Variants in NAV3 observed in about 807,000 individuals in gnomAD.
The protein encoded by NAV3 is pore membrane and/or filament interacting like protein 1.
In NAV3, 87 loss-of-function variants were observed where a neutral mutation model predicts 244.7. That is an observed-to-expected ratio of 0.36 (90% CI 0.30 to 0.42). The LOEUF (loss-of-function observed/expected upper bound fraction) is 0.42. Among genes scored for constraint, NAV3 ranks in the 20% least tolerant of loss-of-function variants. NAV3 has a pLI of 1.00. For missense variants in NAV3, 2,663 were observed against 2,893.3 expected (o/e 0.92, Z 1.83); for synonymous variants, 1,126 against 1,042.2 (o/e 1.08, Z -1.55).
intron 1 of NAV3, among the ~76,000 whole-genome samples, chr12:77,915,192 C>A (rs1887002355): frequency 6.6e-6 from 1 of 152,000 alleles, no homozygotes. Context: ...CTCCAAGATT[C>A]AAATGGCTTA....
intron 1 of NAV3, among the ~76,000 whole-genome samples, chr12:77,901,930 T>C (rs896789861): frequency 2.0e-5 from 3 of 152,148 alleles, no homozygotes; most frequent in Non-Finnish European, 4.4e-5. Context: ...GGGTGACCTT[T>C]GGATGTAACA....
chr12:78,133,849 A>C (rs1015598410), intron 18 of NAV3, among the ~76,000 whole-genome samples: 1 of 152,202 alleles, frequency 6.6e-6, no homozygotes, highest in African/African-American at 2.4e-5. Flanking sequence ...TATGAATGAA[A>C]AAATGGAAGA....
intron 2 of NAV3, among the ~76,000 whole-genome samples, chr12:77,689,926 C>T: frequency 6.6e-6 from 1 of 151,628 alleles, no homozygotes; most frequent in East Asian, 1.9e-4. Context: ...TGTTACAGTA[C>T]CCATCTGTAA....
intron 2 of NAV3, among the ~76,000 whole-genome samples, chr12:77,709,482 G>A (rs538603888): frequency 6.6e-6 from 1 of 152,184 alleles, no homozygotes; most frequent in Non-Finnish European, 1.5e-5. Context: ...TAGAGTAAAA[G>A]GAAAACATTC....
At chr12:77,997,237 CAAAAAAA>C (rs139557569) in intron 6 of NAV3, among the ~76,000 whole-genome samples, 2 of 78,732 alleles carry the variant, frequency 2.5e-5, no homozygotes, top group African/African-American at 4.8e-5. Context: ...CACCCTGTCT[CAAAAAAA>C]AAAAAAAAAA....
chr12:78,038,810 A>G (rs747511918), intron 9 of NAV3, among the ~76,000 whole-genome samples: 4 of 152,166 alleles, frequency 2.6e-5, no homozygotes, highest in African/African-American at 4.8e-5. Context: ...GGTATTATTT[A>G]TCTTGTTCTC....
chr12:77,778,988 CATT>C (rs2135907829), intron 2 of NAV3, among the ~76,000 whole-genome samples: 1 of 152,260 alleles, frequency 6.6e-6, no homozygotes, highest in African/African-American at 2.4e-5. Context: ...AAGGAAAACA[CATT>C]AATGGAATTT....
chr12:77,749,918 A>G (rs1454052088), intron 2 of NAV3, among the ~76,000 whole-genome samples: 1 of 152,230 alleles, frequency 6.6e-6, no homozygotes, highest in African/African-American at 2.4e-5. Context: ...TAAAGCTTTA[A>G]GGAGTAGACT....
intron 2 of NAV3, among the ~76,000 whole-genome samples, chr12:77,685,236 C>T (rs913777675): frequency 6.6e-6 from 1 of 152,086 alleles, no homozygotes; most frequent in Non-Finnish European, 1.5e-5. Flanking sequence ...AATCTTTTAA[C>T]CAGGCTTCCT....
At position 77,812,409 on chromosome 12, in the gene NAV3, T is replaced by G. The variant is rs987310719; in HGVS notation, c.73-127910T>G. ...CTGAGGAATTTCATTTCTTTCTTTT[T>G]TTTTTTAACTTTTATTTTTTTGAGA... On this transcript the variant is annotated intron_variant, in intron 2 of 8. Transcript: ENST00000550042. Among the ~76,000 whole-genome samples the G allele has an allele frequency of 2.0e-5, 3 of 152,204 alleles. No homozygotes were observed. In the East Asian group the frequency reaches 5.8e-4, roughly 29 times the overall value.
intron 21 of NAV3, among the ~76,000 whole-genome samples, chr12:78,147,594 T>TG (rs1242885308): frequency 6.9e-6 from 1 of 144,592 alleles, no homozygotes; most frequent in African/African-American, 2.6e-5. Flanking sequence ...TATTTTAGAC[T>TG]GGGGTGTATC....
At chr12:77,867,906 GC>G (rs1456513783) in intron 1 of NAV3, among the ~76,000 whole-genome samples, 8 of 152,186 alleles carry the variant, frequency 5.3e-5, no homozygotes, top group Non-Finnish European at 8.8e-5. Context: ...CTGGGCAAGG[GC>G]CCCTCAAGTA....
intron 12 of NAV3, among the ~76,000 whole-genome samples, chr12:78,108,048 A>T (rs184288548): frequency 1.4e-4 from 22 of 152,174 alleles, no homozygotes; most frequent in Non-Finnish European, 2.1e-4. Flanking sequence ...TGATCCAAAT[A>T]TATGCTGATT....
chr12:78,100,960 G>T (rs1372139464), intron 12 of NAV3, among the ~76,000 whole-genome samples: 5 of 152,084 alleles, frequency 3.3e-5, no homozygotes, highest in Admixed American at 3.3e-4. Context: ...CCTCAAAGAA[G>T]CAGTTATTTA....
At chr12:77,599,204 C>A (rs921211639) in intron 2 of NAV3, among the ~76,000 whole-genome samples, 1 of 151,960 alleles carries the variant, frequency 6.6e-6, no homozygotes, top group East Asian at 1.9e-4. Flanking sequence ...GGATTTTCTT[C>A]GTTTTTAATG....
intron 2 of NAV3, among the ~76,000 whole-genome samples, chr12:77,686,282 G>C (rs1268593294): frequency 6.6e-6 from 1 of 151,910 alleles, no homozygotes; most frequent in Non-Finnish European, 1.5e-5. Context: ...TGGTAGAGAC[G>C]GGGTTTCACC....
At chr12:77,806,044 G>A (rs548526640) in intron 2 of NAV3, among the ~76,000 whole-genome samples, 1 of 152,104 alleles carries the variant, frequency 6.6e-6, no homozygotes, top group South Asian at 2.1e-4. Context: ...GTGTCTATTT[G>A]ATTCTTCTCT....
intron 1 of NAV3, among the ~76,000 whole-genome samples, chr12:77,912,916 T>C (rs555657315): frequency 5.9e-5 from 9 of 152,144 alleles, no homozygotes; most frequent in Non-Finnish European, 1.3e-4. Context: ...TTTACATGCA[T>C]TTTTCAAGAA....
chr12:78,055,636 A>G (rs1361093385), intron 11 of NAV3, among the ~76,000 whole-genome samples: 1 of 152,204 alleles, frequency 6.6e-6, no homozygotes, highest in African/African-American at 2.4e-5. Flanking sequence ...CCAGATTTCC[A>G]GTGTTACCCT....
Sources: allele counts gnomAD v4.1 joint callset (sites outside exome capture counted in the v4.1 genomes callset), GRCh38; gene constraint gnomAD v4.1.1; transcripts MANE v1.5; gene names NCBI Gene and HGNC (gene_info 2026-07-23, HGNC 2026-07-21).